The following RBMS3 variants were observed in gnomAD, a reference collection of about 807,000 sequenced individuals.
The protein encoded by RBMS3 is RNA binding motif single stranded interacting protein 3.
In RBMS3, 27 loss-of-function variants were observed where a neutral mutation model predicts 66.8. That is an observed-to-expected ratio of 0.40 (90% CI 0.30 to 0.56). The LOEUF is 0.56. RBMS3 is among the 20% of genes least tolerant of loss of function. RBMS3 has a pLI of 0.40. For missense variants in RBMS3, 513 were observed against 549.5 expected (o/e 0.93, Z 0.66); for synonymous variants, 188 against 183.0 (o/e 1.03, Z -0.22).
chr3:29,772,649 T>C (rs1039846942), intron 6 of RBMS3, among the ~76,000 whole-genome samples: 2 of 151,912 alleles, frequency 1.3e-5, no homozygotes, highest in African/African-American at 4.8e-5. Context: ...AGGAGGTCGG[T>C]GGTTGGAAAA....
intron 12 of RBMS3, among the ~76,000 whole-genome samples, chr3:29,981,423 C>A (rs1160782077): frequency 6.6e-6 from 1 of 152,164 alleles, no homozygotes. Flanking sequence ...CCATTTATTT[C>A]TTTCTCTTGC....
At chr3:29,573,942 T>C (rs1181326407) in intron 3 of RBMS3, among the ~76,000 whole-genome samples, 5 of 152,190 alleles carry the variant, frequency 3.3e-5, no homozygotes, top group African/African-American at 9.6e-5. Flanking sequence ...ATTTTTTCCA[T>C]TTTTTAAATG....
At chr3:29,619,269 TAA>T (rs71628528) in intron 4 of RBMS3, among the ~76,000 whole-genome samples, 36 of 133,610 alleles carry the variant, frequency 2.7e-4, no homozygotes, top group South Asian at 9.4e-4. Flanking sequence ...GTATTTTATG[TAA>T]AAAAAAAAAA....
chr3:29,396,957 T>A (rs2039578837), intron 1 of RBMS3, among the ~76,000 whole-genome samples: 1 of 152,158 alleles, frequency 6.6e-6, no homozygotes, highest in Admixed American at 6.6e-5. Context: ...GATATGACAA[T>A]ATTTTACTGC....
intron 6 of RBMS3, among the ~76,000 whole-genome samples, chr3:29,860,375 A>G (rs1210931295): frequency 6.6e-6 from 1 of 152,204 alleles, no homozygotes; most frequent in Non-Finnish European, 1.5e-5. Context: ...GTTTTTATCC[A>G]GAGTAAGTGA....
At chr3:29,661,057 G>A (rs1413645552) in intron 4 of RBMS3, among the ~76,000 whole-genome samples, 1 of 152,202 alleles carries the variant, frequency 6.6e-6, no homozygotes, top group African/African-American at 2.4e-5. Context: ...TGCTCCAGGA[G>A]CATGCGTACA....
chr3:29,394,300 G>C (rs764918790), intron 1 of RBMS3, among the ~76,000 whole-genome samples: 1 of 152,194 alleles, frequency 6.6e-6, no homozygotes, highest in Non-Finnish European at 1.5e-5. Context: ...CAGGCAGTCA[G>C]ACTTTATGGT....
Position 29,281,530 on chromosome 3 carries a change from T to A in RBMS3, c.-152T>A, listed in dbSNP as rs2031781540. The A allele has an allele frequency of 4.9e-6, 3 of 612,872 alleles. No individual in the cohort carries two copies. Among genetic ancestry groups the A allele is most frequent in the East Asian group, 3.1e-5 (1 of 32,238 alleles). The allele number at this position is 612,872 out of a possible 1,614,324, so 38.0% of individuals were successfully genotyped here. A position where few individuals can be genotyped will look rare whatever the true frequency, so the allele number is the denominator to read the frequency against. On this transcript the variant is annotated 5_prime_UTR_variant, in exon 1 of 15. Transcript: ENST00000383767. Reference sequence around the variant, plus strand: ...TGTTTTGTTTTGTTTTTTAAAAAAATTCTTGCTGTGTTGGAACTAGCGAGT... The same window carrying A: ...TGTTTTGTTTTGTTTTTTAAAAAAAATCTTGCTGTGTTGGAACTAGCGAGT...
intron 5 of RBMS3, among the ~76,000 whole-genome samples, chr3:29,750,406 A>G (rs573126524): frequency 7.3e-4 from 111 of 152,322 alleles, no homozygotes; most frequent in African/African-American, 2.6e-3. Context: ...CAAGAAATTT[A>G]ATTATTTTTA....
At chr3:29,732,770 A>G (rs555072487) in intron 4 of RBMS3, among the ~76,000 whole-genome samples, 29 of 152,138 alleles carry the variant, frequency 1.9e-4, no homozygotes, top group Middle Eastern at 3.2e-3. Flanking sequence ...TGCAGCATAT[A>G]AAATAGACTG....
chr3:29,470,070 T>G (rs1258800093), intron 2 of RBMS3, among the ~76,000 whole-genome samples: 1 of 149,108 alleles, frequency 6.7e-6, no homozygotes, highest in African/African-American at 2.4e-5. Flanking sequence ...TAATTTAAAC[T>G]TCAATAATTA....
intron 2 of RBMS3, among the ~76,000 whole-genome samples, chr3:29,482,957 C>G (rs959412843): frequency 6.6e-6 from 1 of 151,736 alleles, no homozygotes; most frequent in Admixed American, 6.6e-5. Context: ...CTACCCACCT[C>G]GGTCTCCCAA....
intron 6 of RBMS3, among the ~76,000 whole-genome samples, chr3:29,790,842 C>CAGTT (rs1224091772): frequency 6.6e-6 from 1 of 152,112 alleles, no homozygotes; most frequent in East Asian, 1.9e-4. Flanking sequence ...TAAAATTTCC[C>CAGTT]AGTTAGCATG....
At chr3:29,826,744 A>T (rs2058221734) in intron 6 of RBMS3, among the ~76,000 whole-genome samples, 1 of 152,100 alleles carries the variant, frequency 6.6e-6, no homozygotes. Context: ...TTCTCCTTGG[A>T]TCACCTCCAT....
chr3:29,821,154 T>C (rs1288326155), intron 6 of RBMS3, among the ~76,000 whole-genome samples: 1 of 152,206 alleles, frequency 6.6e-6, no homozygotes, highest in Non-Finnish European at 1.5e-5. Context: ...TCTGTCAATA[T>C]GATACATTTT....
At chr3:29,386,921 C>T (rs1252261502) in intron 1 of RBMS3, among the ~76,000 whole-genome samples, 4 of 152,164 alleles carry the variant, frequency 2.6e-5, no homozygotes, top group African/African-American at 9.7e-5. Flanking sequence ...TTTCATTTTA[C>T]TTTAAAATCT....
chr3:29,587,934 C>T (rs571084532), intron 4 of RBMS3, among the ~76,000 whole-genome samples: 7 of 151,794 alleles, frequency 4.6e-5, no homozygotes, highest in Non-Finnish European at 7.4e-5. Flanking sequence ...CCTTTTGTGT[C>T]CTGATTGCAG....
chr3:29,989,811 G>T (rs1698705586), intron 13 of RBMS3, among the ~76,000 whole-genome samples: 1 of 152,058 alleles, frequency 6.6e-6, no homozygotes, highest in South Asian at 2.1e-4. Context: ...GGTATATTTA[G>T]CTTTCAAAAA....
intron 3 of RBMS3, among the ~76,000 whole-genome samples, chr3:29,490,282 C>A (rs74447954): frequency 3.7e-3 from 538 of 146,216 alleles, no homozygotes; most frequent in Non-Finnish European, 3.9e-3. Flanking sequence ...GGAGTGGAAA[C>A]AAAAAAAAAT....
Sources: gnomAD v4.1 joint callset for allele counts (sites outside exome capture counted in the v4.1 genomes callset) on GRCh38, gnomAD v4.1.1 for gene constraint, MANE v1.5 for transcripts, NCBI Gene and HGNC (gene_info 2026-07-23, HGNC 2026-07-21) for gene names.